Variants in PRPSAP1 observed in about 807,000 individuals in gnomAD.
The protein encoded by PRPSAP1 is phosphoribosyl pyrophosphate synthetase associated protein 1, also known as phosphoribosyl pyrophosphate synthase-associated protein 1.
PRPSAP1 carries 31 observed loss-of-function variants against 39.4 expected under a neutral mutation model. The ratio of observed to expected loss-of-function variants is 0.79; its 90% CI spans 0.59 to 1.06. The LOEUF (loss-of-function observed/expected upper bound fraction) is 1.06, where lower values mean the gene tolerates loss of function less well. Ranked by LOEUF, PRPSAP1 falls within the 50% of genes least tolerant of loss-of-function variation. The probability of loss-of-function intolerance (pLI) is 0.00; values close to 1 mark genes in which losing one functional copy is unlikely to be tolerated. For synonymous variants in PRPSAP1, 212 were observed against 192.6 expected (o/e 1.10, Z -0.83); for missense variants, 430 against 511.6 (o/e 0.84, Z 1.54).
intron 7 of PRPSAP1, among the ~76,000 whole-genome samples, chr17:76,326,393 A>G (rs2071256500): frequency 7.4e-6 from 1 of 135,258 alleles, no homozygotes; most frequent in African/African-American, 3.1e-5. Flanking sequence ...TATTAATTAC[A>G]AAGAGGAAAA....
intron 1 of PRPSAP1, among the ~76,000 whole-genome samples, chr17:76,352,777 A>G (rs1165180702): frequency 6.6e-6 from 1 of 152,082 alleles, no homozygotes; most frequent in Non-Finnish European, 1.5e-5. Flanking sequence ...TATCCCGATC[A>G]TACAATATTC....
rs2071071141 is a variant in PRPSAP1, at chr17:76,311,601, T to C, written c.1099A>G (p.Arg367Gly). The part of the protein sequence containing the change: ...ISLILSEAIR[R>G]IHNGESMAYL... The stretch of plus-strand genomic sequence containing the variant: ...GCCATGGACTCTCCATTGTGGATTC[T>C]CCGAATGGCTTCAGAAAGAATCAAA... Residue 367 changes from arginine to glycine, a missense_variant, in exon 10 of 10, where the codon AGA becomes GGA. Physicochemically the swap from Arg to Gly is moderately radical, Grantham distance 125. Coordinates refer to ENST00000446526, the MANE Select transcript of PRPSAP1 (RefSeq NM_002766.3). The C allele has an allele frequency of 1.2e-6, 2 of 1,614,104 alleles. No homozygotes were observed. Among genetic ancestry groups the C allele is most frequent in the Admixed American group, 1.7e-5 (1 of 60,008 alleles).
At position 76,324,878 on chromosome 17, in the gene PRPSAP1, G is replaced by A. The variant is rs1252295755; in HGVS notation, c.781+3839C>T. Among the ~76,000 whole-genome samples the A allele has an allele frequency of 3.3e-5, 5 of 150,090 alleles. No homozygotes were observed. In the Admixed American group the frequency reaches 3.3e-4, roughly 10 times the overall value. On this transcript the variant is annotated intron_variant, in intron 7 of 9. Transcript: ENST00000446526. ...AGATCGAGACCATCCTGGCTAACAT[G>A]GTGAAACCCCATCTCTACTAAAAAT...
At chr17:76,313,754 G>A in intron 8 of PRPSAP1, 67 bp downstream of exon 8, 2 of 1,519,774 alleles carry the variant, frequency 1.3e-6, no homozygotes, top group East Asian at 4.5e-5. Context: ...TACAGTCCCA[G>A]AGTGGACAAC....
chr17:76,345,848 GA>G, intron 2 of PRPSAP1: 1 of 400,278 alleles, frequency 2.5e-6, no homozygotes, highest in Non-Finnish European at 4.9e-6. Flanking sequence ...ATGCCCAAGA[GA>G]AAGGCTGAAG....
chr17:76,324,994 G>A (rs928588744), intron 7 of PRPSAP1, among the ~76,000 whole-genome samples: 7 of 151,286 alleles, frequency 4.6e-5, no homozygotes, highest in Non-Finnish European at 1.0e-4. Flanking sequence ...TGTGAACCTG[G>A]GGGGTGGAGC....
At chr17:76,329,952 GCCA>G (rs990582438) in intron 6 of PRPSAP1, 88 bp downstream of exon 6, 1 of 1,265,226 alleles carries the variant, frequency 7.9e-7, no homozygotes, top group African/African-American at 1.5e-5. Flanking sequence ...GCTTTCAAAG[GCCA>G]CGAGTGACAG....
At chr17:76,326,558 C>T (rs772341783) in intron 7 of PRPSAP1, among the ~76,000 whole-genome samples, 1 of 152,132 alleles carries the variant, frequency 6.6e-6, no homozygotes, top group Non-Finnish European at 1.5e-5. Flanking sequence ...CACAAACAAG[C>T]CCCAATTAAG....
At chr17:76,332,156 A>G in intron 4 of PRPSAP1, 107 bp downstream of exon 4, 3 of 1,369,236 alleles carry the variant, frequency 2.2e-6, no homozygotes, top group Non-Finnish European at 3.0e-6. Flanking sequence ...TCAAAAGGAA[A>G]CAAACACTCA....
chr17:76,344,260 T>G (rs1395151268), intron 3 of PRPSAP1, among the ~76,000 whole-genome samples: 1 of 152,208 alleles, frequency 6.6e-6, no homozygotes, highest in African/African-American at 2.4e-5. Context: ...CCTAAGTAGC[T>G]GGGACTATAG....
intron 3 of PRPSAP1, among the ~76,000 whole-genome samples, chr17:76,335,708 C>A (rs1232339895): frequency 6.6e-6 from 1 of 152,124 alleles, no homozygotes; most frequent in African/African-American, 2.4e-5. Context: ...ACAAGTGGAC[C>A]AAGTGCAGTA....
rs1293854603 is a variant in PRPSAP1 at position 76,310,752 on chromosome 17, G to A, written c.*790C>T. 1 of 151,324 alleles carries A rather than the reference G, an allele frequency of 6.6e-6. No individual in the cohort carries two copies. Among genetic ancestry groups the A allele is most frequent in the Non-Finnish European group, 1.5e-5 (1 of 67,928 alleles). 9.4% of individuals were successfully genotyped at this position (151,324 alleles called of 1,614,324 possible). A position where few individuals can be genotyped will look rare whatever the true frequency, so the allele number is the denominator to read the frequency against. ...CCCAAAGTACTCAGATTATAGGTGT[G>A]AGCCACCACACCTAGACTTTTTTTT... On this transcript the variant is annotated 3_prime_UTR_variant, in exon 10 of 10. Coordinates refer to ENST00000446526, the MANE Select transcript of PRPSAP1 (RefSeq NM_002766.3).
chr17:76,353,370 G>C (rs1429499752), intron 1 of PRPSAP1, 164 bp downstream of exon 1: 3 of 667,072 alleles, frequency 4.5e-6, no homozygotes, highest in Admixed American at 4.2e-5. Flanking sequence ...ACCGGGGAGC[G>C]GGGGGCGGTA....
chr17:76,338,124 T>C (rs1898260057), intron 3 of PRPSAP1, among the ~76,000 whole-genome samples: 1 of 152,152 alleles, frequency 6.6e-6, no homozygotes, highest in African/African-American at 2.4e-5. Flanking sequence ...AAATTAAACC[T>C]ATCCTCAACG....
intron 7 of PRPSAP1, among the ~76,000 whole-genome samples, chr17:76,315,287 T>C (rs1249694857): frequency 2.0e-5 from 3 of 152,230 alleles, no homozygotes; most frequent in Non-Finnish European, 4.4e-5. Context: ...CTAAGTATTC[T>C]TTCTTTAAAC....
In PRPSAP1 at chr17:76,327,450, C is replaced by T. The variant is rs1325747741; in HGVS notation, c.781+1267G>A. Among the ~76,000 whole-genome samples, 8 of 152,058 alleles carry T rather than the reference C, an allele frequency of 5.3e-5. No homozygotes were observed. In the South Asian group the frequency reaches 8.3e-4, roughly 16 times the overall value. ...CAGGCGGATCACAATGTCAAGAGAT[C>T]GAGACCATCCTGGCCAACATGGTGA... On this transcript the variant is annotated intron_variant, in intron 7 of 9. Transcript: ENST00000446526.
chr17:76,333,219 T>C (rs537140681), intron 3 of PRPSAP1, among the ~76,000 whole-genome samples: 1 of 152,226 alleles, frequency 6.6e-6, no homozygotes, highest in East Asian at 1.9e-4. Flanking sequence ...CAGGCAATTC[T>C]CCTGGCTCAT....
In PRPSAP1 at chr17:76,332,303, G is replaced by A. The variant is rs1240242812; in HGVS notation, c.423C>T (p.Ser141=). 1.2e-6 allele frequency: 2 copies of A among 1,614,000 alleles called. No homozygotes were observed. The highest frequency in any genetic ancestry group is 3.3e-5 in the Admixed American group (2 of 59,974). Residue 141 remains serine, a synonymous_variant, in exon 4 of 10, where the codon TCC becomes TCT. Coordinates refer to ENST00000446526, the MANE Select transcript of PRPSAP1 (RefSeq NM_002766.3). ...SKQSKMRKRG[S]IVCKLLASML... ...TGGATGCTAGCAGCTTGCACACAAT[G>A]GAACCCCTCTTCCTCATCTTGCTCT... is the stretch of plus-strand genomic sequence containing the variant.
chr17:76,327,444 A>G (rs1013356505), intron 7 of PRPSAP1, among the ~76,000 whole-genome samples: 11 of 151,976 alleles, frequency 7.2e-5, no homozygotes, highest in Non-Finnish European at 4.4e-5. Flanking sequence ...CACAATGTCA[A>G]GAGATCGAGA....
Sources: allele counts gnomAD v4.1 joint callset (sites outside exome capture counted in the v4.1 genomes callset), GRCh38; gene constraint gnomAD v4.1.1; transcripts MANE v1.5; gene names NCBI Gene and HGNC (gene_info 2026-07-23, HGNC 2026-07-21).